Variants in CABCOCO1 observed in about 807,000 individuals in gnomAD.
CABCOCO1 encodes the protein ciliary-associated calcium-binding coiled-coil protein 1.
Under a neutral mutation model 35.7 loss-of-function variants are expected in CABCOCO1, and 28 were observed. The ratio of observed to expected loss-of-function variants is 0.78; its 90% CI spans 0.58 to 1.07. The LOEUF (loss-of-function observed/expected upper bound fraction) is 1.07, where lower values mean the gene tolerates loss of function less well. Ranked by LOEUF, CABCOCO1 falls within the 50% of genes least tolerant of loss-of-function variation. The pLI is 0.00. For missense variants in CABCOCO1, 326 were observed against 309.2 expected, an observed-to-expected ratio of 1.05 and a Z score of -0.41; for synonymous variants, 95 against 100.1, an observed-to-expected ratio of 0.95 and a Z score of 0.30.
At chr10:61,731,377 G>C (rs556193572) in intron 5 of CABCOCO1, among the ~76,000 whole-genome samples, 11 of 151,976 alleles carry the variant, frequency 7.2e-5, no homozygotes, top group African/African-American at 2.4e-4. Context: ...GTTTTCGTTG[G>C]GTTTTGTTAC....
At chr10:61,666,499 G>A (rs2131943472) in intron 1 of CABCOCO1, among the ~76,000 whole-genome samples, 1 of 152,202 alleles carries the variant, frequency 6.6e-6, no homozygotes, top group Admixed American at 6.5e-5. Flanking sequence ...GCAAATTCTG[G>A]CTGTAGCATG....
At chr10:61,682,559 C>T (rs1307549699) in intron 3 of CABCOCO1, among the ~76,000 whole-genome samples, 2 of 152,184 alleles carry the variant, frequency 1.3e-5, no homozygotes, top group Non-Finnish European at 2.9e-5. Context: ...TAGCAAGTAA[C>T]TGTAGAATAT....
intron 5 of CABCOCO1, among the ~76,000 whole-genome samples, chr10:61,731,975 ATAAT>A (rs1489680979): frequency 6.6e-6 from 1 of 152,094 alleles, no homozygotes; most frequent in East Asian, 1.9e-4. Context: ...GAAGAATCTC[ATAAT>A]TAAAATGTTC....
At chr10:61,705,474 A>G (rs1408553692) in intron 5 of CABCOCO1, among the ~76,000 whole-genome samples, 3 of 152,174 alleles carry the variant, frequency 2.0e-5, no homozygotes, top group Non-Finnish European at 4.4e-5. Context: ...TATTACTTTT[A>G]TTGCTATCAT....
intron 2 of CABCOCO1, among the ~76,000 whole-genome samples, chr10:61,677,048 G>A (rs1328365963): frequency 1.5e-5 from 2 of 135,660 alleles, no homozygotes; most frequent in Non-Finnish European, 3.1e-5. Context: ...TGGGCAAAAA[G>A]AGTGAGACTC....
At position 61,760,185 on chromosome 10, in the gene CABCOCO1, T is replaced by C. The variant is rs1251663874; in HGVS notation, c.675+4T>C. ...AATATTGGATACGGAAATGAAGGTA[T>C]ATTTCTTTTTGTCTTTCCATTCACC... On this transcript the variant is annotated splice_donor_region_variant and intron_variant, in intron 6 of 7. Coordinates refer to ENST00000648843, the MANE Select transcript of CABCOCO1 (RefSeq NM_001366906.2). 6 of 1,610,564 alleles carry C rather than the reference T, an allele frequency of 3.7e-6. No individual in the cohort carries two copies. Among genetic ancestry groups the C allele is most frequent in the African/African-American group, 1.3e-5 (1 of 74,880 alleles).
intron 5 of CABCOCO1, among the ~76,000 whole-genome samples, chr10:61,705,995 A>G (rs1840583467): frequency 6.6e-6 from 1 of 152,232 alleles, no homozygotes; most frequent in Non-Finnish European, 1.5e-5. Flanking sequence ...GTTAAGCAGC[A>G]TGTGATATTG....
intron 5 of CABCOCO1, among the ~76,000 whole-genome samples, chr10:61,737,023 T>C (rs1179728815): frequency 6.6e-6 from 1 of 152,160 alleles, no homozygotes; most frequent in African/African-American, 2.4e-5. Flanking sequence ...AAGTTGATTA[T>C]CAGCTGAAGG....
chr10:61,756,267 C>T (rs34933395), intron 5 of CABCOCO1, among the ~76,000 whole-genome samples: 1 of 152,016 alleles, frequency 6.6e-6, no homozygotes, highest in East Asian at 1.9e-4. Context: ...GCAATGTGCA[C>T]GTAATGAACA....
At chr10:61,709,705 A>C (rs1243736924) in intron 5 of CABCOCO1, among the ~76,000 whole-genome samples, 1 of 151,962 alleles carries the variant, frequency 6.6e-6, no homozygotes, top group African/African-American at 2.4e-5. Flanking sequence ...AAAAAAAAAA[A>C]ATGTATAGAG....
At chr10:61,680,671 C>CATATACATGTTATACATGTATAACAT (rs1554821569) in intron 2 of CABCOCO1, among the ~76,000 whole-genome samples, 2 of 53,436 alleles carry the variant, frequency 3.7e-5, no homozygotes, top group African/African-American at 5.3e-5. Context: ...ACATGTATAA[C>CATATACATGTTATACATGTATAACAT]ATATATGTTA....
intron 7 of CABCOCO1, among the ~76,000 whole-genome samples, chr10:61,762,868 C>T (rs533782884): frequency 6.6e-6 from 1 of 152,154 alleles, no homozygotes; most frequent in Non-Finnish European, 1.5e-5. Context: ...GGCACTTTTT[C>T]CACGTTTACC....
At chr10:61,686,552 C>G (rs1221279243) in intron 4 of CABCOCO1, among the ~76,000 whole-genome samples, 1 of 152,004 alleles carries the variant, frequency 6.6e-6, no homozygotes, top group Admixed American at 6.6e-5. Context: ...TTATAATAGA[C>G]TCTATGTTTT....
At position 61,690,554 on chromosome 10, in the gene CABCOCO1, T is replaced by G. The variant is rs775144043; in HGVS notation, c.485T>G (p.Phe162Cys). 6.3e-7 allele frequency: 1 copy of G among 1,598,846 alleles called. No individual in the cohort carries two copies. The highest frequency in any genetic ancestry group is 8.6e-7 in the Non-Finnish European group (1 of 1,168,638). The change falls in exon 5 of 8, where the codon TTT (phenylalanine) becomes TGT (cysteine). Residue 162 changes from phenylalanine to cysteine, a missense_variant. Transcript: ENST00000648843. ...AIIDYLKISL[F>C]QHYKLYEFMF... ...ACATTTATTTTATATTTCAGCTTAT[T>G]TCAACACTACAAGCTATACGAGTTT...
chr10:61,691,382 A>C (rs1484581259), intron 5 of CABCOCO1, among the ~76,000 whole-genome samples: 1 of 152,210 alleles, frequency 6.6e-6, no homozygotes, highest in East Asian at 1.9e-4. Flanking sequence ...GCAGTTCTAC[A>C]ATGAAAGGTC....
In CABCOCO1 at chr10:61,685,901, T is replaced by C; in HGVS notation, c.335-140T>C. ...TTGCATAAAACGTATTAATTTATTATGAAGAAACAAGAGTTTTACCATTTA... is the reference window on the plus strand; with the variant it reads ...TTGCATAAAACGTATTAATTTATTACGAAGAAACAAGAGTTTTACCATTTA... On this transcript the variant is annotated intron_variant, in intron 3 of 7. Transcript: ENST00000648843. 14 of 735,494 alleles carry C rather than the reference T, an allele frequency of 1.9e-5. 1 individual carries two copies. In the South Asian group the frequency reaches 2.7e-4, roughly 14 times the overall value. 45.6% of individuals were successfully genotyped at this position (735,494 alleles called of 1,614,324 possible).
At chr10:61,720,894 C>A (rs1343979299) in intron 5 of CABCOCO1, among the ~76,000 whole-genome samples, 1 of 120,160 alleles carries the variant, frequency 8.3e-6, no homozygotes, top group Non-Finnish European at 1.9e-5. Context: ...CCCACCTCTG[C>A]TTTTTCTTCT....
At chr10:61,693,622 T>A (rs897862429) in intron 5 of CABCOCO1, among the ~76,000 whole-genome samples, 6 of 152,020 alleles carry the variant, frequency 3.9e-5, no homozygotes, top group African/African-American at 1.4e-4. Flanking sequence ...GCTCCTGACA[T>A]CACAAAAAGA....
At chr10:61,760,231 C>G (rs779406882) in intron 6 of CABCOCO1, 50 bp downstream of exon 6, 4 of 1,576,566 alleles carry the variant, frequency 2.5e-6, no homozygotes, top group African/African-American at 2.7e-5. Flanking sequence ...ATTATATTCT[C>G]TTGGGGTGGG....
Sources: allele counts gnomAD v4.1 joint callset (sites outside exome capture counted in the v4.1 genomes callset), GRCh38; gene constraint gnomAD v4.1.1; transcripts MANE v1.5; gene names NCBI Gene and HGNC (gene_info 2026-07-23, HGNC 2026-07-21).